The following SRC variants were observed in gnomAD, a reference collection of about 807,000 sequenced individuals.
SRC encodes the protein proto-oncogene tyrosine-protein kinase Src.
SRC carries 13 observed loss-of-function variants against 62.9 expected under a neutral mutation model. The observed-to-expected ratio is 0.21, with a 90% confidence interval of 0.13 to 0.33. The LOEUF (loss-of-function observed/expected upper bound fraction) is 0.33, where lower values mean the gene tolerates loss of function less well. Among genes scored for constraint, SRC ranks in the 10% least tolerant of loss-of-function variants. The pLI is 1.00. For synonymous variants in SRC, 302 were observed against 317.5 expected (o/e 0.95, Z 0.52); for missense variants, 457 against 737.3 (o/e 0.62, Z 4.40).
intron 1 of SRC, among the ~76,000 whole-genome samples, chr20:37,364,459 C>T (rs1428594274): frequency 6.6e-6 from 1 of 152,100 alleles, no homozygotes; most frequent in Non-Finnish European, 1.5e-5. Flanking sequence ...CTTGTGGGGC[C>T]CCTGGTTTAT....
chr20:37,403,244 G>A lies in SRC; in HGVS notation c.1476G>A (p.Glu492=), dbSNP rs915932206. The part of the protein sequence containing the change: ...YRMPCPPECP[E]SLHDLMCQCW... Reference sequence around the variant, plus strand: ...TGCCCTGCCCGCCGGAGTGTCCCGAGTCCCTGCACGACCTCATGTGCCAGT... The same window carrying A: ...TGCCCTGCCCGCCGGAGTGTCCCGAATCCCTGCACGACCTCATGTGCCAGT... The change falls in exon 14 of 14, where the codon GAG becomes GAA. Residue 492 remains glutamate, a synonymous_variant. Coordinates refer to ENST00000373578, the MANE Select transcript of SRC (RefSeq NM_198291.3). The surrounding 1 kb of genome is among the most constrained non-coding windows in gnomAD (Gnocchi z 7.1). 1.3e-6 allele frequency: 2 copies of A among 1,587,670 alleles called. No homozygotes were observed. The highest frequency in any genetic ancestry group is 2.7e-5 in the African/African-American group (2 of 74,506).
chr20:37,348,793 C>G (rs1174252008), intron 1 of SRC, among the ~76,000 whole-genome samples: 1 of 152,118 alleles, frequency 6.6e-6, no homozygotes, highest in African/African-American at 2.4e-5. Flanking sequence ...GATAAGGACT[C>G]AGGGAGAGAG....
intron 10 of SRC, among the ~76,000 whole-genome samples, chr20:37,400,792 T>A (rs1875647144): frequency 6.6e-6 from 1 of 152,234 alleles, no homozygotes; most frequent in African/African-American, 2.4e-5. Context: ...CTGGATTTAC[T>A]GTGTACCCCT....
intron 7 of SRC, among the ~76,000 whole-genome samples, 181 bp downstream of exon 7, chr20:37,394,458 G>A (rs2070606771): frequency 6.6e-6 from 1 of 152,162 alleles, no homozygotes; most frequent in Middle Eastern, 3.2e-3. Flanking sequence ...ATCCGCGGTG[G>A]CCAGATGTCC....
chr20:37,360,566 C>T (rs920655609), intron 1 of SRC, among the ~76,000 whole-genome samples: 1 of 152,138 alleles, frequency 6.6e-6, no homozygotes. Flanking sequence ...AAATCCCCTC[C>T]TCTCCCAGAT....
chr20:37,376,596 C>A (rs138893196), intron 2 of SRC, among the ~76,000 whole-genome samples: 89 of 152,330 alleles, frequency 5.8e-4, no homozygotes, highest in African/African-American at 2.1e-3. Flanking sequence ...CTCCACCACC[C>A]GGGTTCAAGT....
At chr20:37,347,084 A>C (rs1250386145) in intron 1 of SRC, among the ~76,000 whole-genome samples, 1 of 152,166 alleles carries the variant, frequency 6.6e-6, no homozygotes, top group African/African-American at 2.4e-5. Context: ...GATGGGGTGA[A>C]CAGAAGGGGC....
At chr20:37,385,551 G>C (rs760957955) in intron 4 of SRC, among the ~76,000 whole-genome samples, 3 of 152,110 alleles carry the variant, frequency 2.0e-5, no homozygotes, top group Non-Finnish European at 2.9e-5. Context: ...AGCTTAAAAT[G>C]GTGGAAGGGG....
chr20:37,349,178 A>G (rs2069765166), intron 1 of SRC, among the ~76,000 whole-genome samples: 1 of 152,198 alleles, frequency 6.6e-6, no homozygotes, highest in Non-Finnish European at 1.5e-5. Flanking sequence ...ATAGACCTAG[A>G]TCTGTAGGCT....
Position 37,402,501 on chromosome 20 carries a change from A to G in SRC, c.1183A>G (p.Ile395Val). ...YVHRDLRAAN[I>V]LVGENLVCKV... is the part of the protein sequence containing the mutation. ...CCACCGGGACCTTCGTGCAGCCAAC[A>G]TCCTGGTGGGAGAGAACCTGGTGTG... The change falls in exon 12 of 14, where the codon ATC becomes GTC. Residue 395 changes from isoleucine (I) to valine (V), a missense_variant. Around this residue, in one of 4 missense-constraint regions of SRC, gnomAD observed 168 missense variants for 357.8 expected, o/e 0.47. Coordinates refer to ENST00000373578, the MANE Select transcript of SRC (RefSeq NM_198291.3). The surrounding 1 kb of genome is among the most constrained non-coding windows in gnomAD (Gnocchi z 6.2). The G allele has an allele frequency of 6.2e-7, 1 of 1,614,064 alleles. No homozygotes were observed. Among genetic ancestry groups the G allele is most frequent in the Non-Finnish European group, 8.5e-7 (1 of 1,180,020 alleles).
At chr20:37,367,701 C>A (rs1166006702) in intron 2 of SRC, among the ~76,000 whole-genome samples, 1 of 151,630 alleles carries the variant, frequency 6.6e-6, no homozygotes, top group Non-Finnish European at 1.5e-5. Flanking sequence ...GGCTGGAGAG[C>A]AATGCTGTGA....
intron 2 of SRC, among the ~76,000 whole-genome samples, chr20:37,373,635 TTGAG>T (rs1399420106): frequency 6.6e-6 from 1 of 152,190 alleles, no homozygotes; most frequent in African/African-American, 2.4e-5. Context: ...GCTTTATTGT[TTGAG>T]TATTTTGTGG....
At chr20:37,386,673 C>T (rs2070460785) in intron 5 of SRC, among the ~76,000 whole-genome samples, 1 of 152,184 alleles carries the variant, frequency 6.6e-6, no homozygotes, top group African/African-American at 2.4e-5. Context: ...ATCAGGGGCC[C>T]TTCCATTGCA....
chr20:37,373,135 CACATATGT>C (rs1398119072), intron 2 of SRC, among the ~76,000 whole-genome samples: 3 of 142,176 alleles, frequency 2.1e-5, no homozygotes, highest in African/African-American at 5.9e-5. Flanking sequence ...TACATATATA[CACATATGT>C]ACATATACAC....
intron 7 of SRC, among the ~76,000 whole-genome samples, chr20:37,395,228 C>T (rs1418816730): frequency 2.6e-5 from 4 of 152,256 alleles, no homozygotes; most frequent in Non-Finnish European, 2.9e-5. Flanking sequence ...CCAGGCTGGC[C>T]ACTTCCCTCT....
rs763697995 is a variant in SRC at position 37,397,889 on chromosome 20, CA to C, written c.859+36del. ...GGCCCCTGCCCTCGGGAGAGGCATC[CA>C]CCCCCCACCCCGTGTGGCAGCTCCG... On this transcript the variant is annotated intron_variant, in intron 9 of 13. Transcript: ENST00000373578. This position sits in a 1 kb window ranked among gnomAD's most constrained non-coding sequence, Gnocchi z 4.1. 6 of 1,580,156 alleles carry C rather than the reference CA, an allele frequency of 3.8e-6. No individual in the cohort carries two copies. In the South Asian group the frequency reaches 6.9e-5, roughly 18 times the overall value.
Position 37,403,227 on chromosome 20 carries a change from C to T in SRC, c.1459C>T (p.Pro487Ser). The T allele has an allele frequency of 6.3e-7, 1 of 1,576,590 alleles. No homozygotes were observed. Among genetic ancestry groups the T allele is most frequent in the South Asian group, 1.2e-5 (1 of 86,368 alleles). The change falls in exon 14 of 14, where the codon CCG (proline) becomes TCG (serine). Residue 487 changes from proline (P) to serine (S), a missense_variant. This residue lies in a region of SRC where 168 missense variants were observed against 357.8 expected (regional missense o/e 0.47). Transcript: ENST00000373578. The surrounding 1 kb of genome is among the most constrained non-coding windows in gnomAD (Gnocchi z 7.1). Reference protein sequence around the residue: ...QVERGYRMPCPPECPESLHDL... With the variant: ...QVERGYRMPCSPECPESLHDL... ...GGAGCGGGGCTACCGGATGCCCTGCCCGCCGGAGTGTCCCGAGTCCCTGCA... is the reference window on the plus strand; with the variant it reads ...GGAGCGGGGCTACCGGATGCCCTGCTCGCCGGAGTGTCCCGAGTCCCTGCA...
intron 1 of SRC, among the ~76,000 whole-genome samples, chr20:37,357,995 G>A (rs2069908745): frequency 6.6e-6 from 1 of 152,202 alleles, no homozygotes; most frequent in African/African-American, 2.4e-5. Flanking sequence ...GGCCTTGGAG[G>A]CCCCTGTGAC....
At chr20:37,375,845 G>A (rs974947101) in intron 2 of SRC, among the ~76,000 whole-genome samples, 2 of 152,212 alleles carry the variant, frequency 1.3e-5, no homozygotes, top group Non-Finnish European at 2.9e-5. Flanking sequence ...ATATCAAGGT[G>A]GCAGCAGATT....
Sources: gnomAD v4.1 joint callset for allele counts (sites outside exome capture counted in the v4.1 genomes callset) on GRCh38, gnomAD v4.1.1 for gene constraint, gnomAD v4.1.1 regional missense constraint, Gnocchi (gnomAD v3.1) non-coding constraint, MANE v1.5 for transcripts, NCBI Gene and HGNC (gene_info 2026-07-23, HGNC 2026-07-21) for gene names.